The following TNFSF9 variants were observed in gnomAD, a reference collection of about 807,000 sequenced individuals.
TNFSF9 encodes TNF superfamily member 9.
In TNFSF9, 10 loss-of-function variants were observed where a neutral mutation model predicts 10.3. The observed-to-expected ratio is 0.97, with a 90% CI of 0.60 to 1.65. The LOEUF (loss-of-function observed/expected upper bound fraction) is 1.65. TNFSF9 is among the 40% of genes most tolerant of loss of function. The pLI is 0.00. For missense variants in TNFSF9, 361 were observed against 348.9 expected (o/e 1.03, Z -0.28); for synonymous variants, 195 against 176.1 (o/e 1.11, Z -0.85).
At chr19:6,531,719 C>T (rs1915150705) in intron 1 of TNFSF9, among the ~76,000 whole-genome samples, 2 of 151,880 alleles carry the variant, frequency 1.3e-5, no homozygotes, top group South Asian at 2.1e-4. Context: ...GGGAGGGCAC[C>T]CCTTTCATTC....
chr19:6,532,015 T>C (rs531908870), intron 1 of TNFSF9, among the ~76,000 whole-genome samples: 83 of 152,186 alleles, frequency 5.5e-4, no homozygotes, highest in Non-Finnish European at 8.8e-4. Flanking sequence ...CCACAAGCTC[T>C]GCATCTCTGG....
chr19:6,535,003 C>A lies in TNFSF9; in HGVS notation c.702C>A (p.Val234=), dbSNP rs72987335. 10 of 1,603,632 alleles carry A rather than the reference C, an allele frequency of 6.2e-6. No individual in the cohort carries two copies. The highest frequency in any genetic ancestry group is 1.3e-5 in the African/African-American group (1 of 74,784). The part of the protein sequence containing the change: ...HAWQLTQGAT[V]LGLFRVTPEI... ...GGCAGCTTACCCAGGGCGCCACAGT[C>A]TTGGGACTCTTCCGGGTGACCCCCG... is the stretch of plus-strand genomic sequence containing the variant. Residue 234 remains valine, a synonymous_variant, in exon 3 of 3, where the codon GTC becomes GTA. Coordinates refer to ENST00000245817, the MANE Select transcript of TNFSF9 (RefSeq NM_003811.4).
In TNFSF9 at chr19:6,534,683, G is replaced by C; in HGVS notation, c.382G>C (p.Glu128Gln). Residue 128 changes from glutamate (E) to glutamine (Q), a missense_variant, in exon 3 of 3, where the codon GAG becomes CAG. Physicochemically the swap from Glu to Gln is conservative, Grantham distance 29. Transcript: ENST00000245817. ...VSLTGGLSYK[E>Q]DTKELVVAKA... ...CCTGACGGGGGGCCTGAGCTACAAA[G>C]AGGACACGAAGGAGCTGGTGGTGGC... 3 of 1,593,380 alleles carry C rather than the reference G, an allele frequency of 1.9e-6. No individual in the cohort carries two copies. The highest frequency in any genetic ancestry group is 8.5e-7 in the Non-Finnish European group (1 of 1,170,596).
chr19:6,531,227 C>T lies in TNFSF9; in HGVS notation c.191C>T (p.Ser64Phe). The change falls in exon 1 of 3, where the codon TCC becomes TTC. Residue 64 changes from serine to phenylalanine, a missense_variant. Physicochemically the swap from Ser to Phe is radical, Grantham distance 155. Transcript: ENST00000245817. ...TCCGGGGCTCGCGCCTCGCCCGGCTCCGCGGCCAGCCCGAGACTCCGCGAG... is the reference window on the plus strand; with the variant it reads ...TCCGGGGCTCGCGCCTCGCCCGGCTTCGCGGCCAGCCCGAGACTCCGCGAG... ...AVSGARASPG[S>F]AASPRLREGP... 6.5e-7 allele frequency: 1 copy of T among 1,534,078 alleles called. No individual in the cohort carries two copies. The highest frequency in any genetic ancestry group is 2.1e-5 in the Admixed American group (1 of 48,492).
At chr19:6,532,670 C>G in intron 1 of TNFSF9, 116 bp from the exon 2 acceptor site, 1 of 1,393,800 alleles carries the variant, frequency 7.2e-7, no homozygotes, top group Non-Finnish European at 1.0e-6. Flanking sequence ...GGAAGGGAAG[C>G]GTAGGCTTCA....
chr19:6,532,154 C>A (rs903501418), intron 1 of TNFSF9, among the ~76,000 whole-genome samples: 2 of 152,192 alleles, frequency 1.3e-5, no homozygotes, highest in Non-Finnish European at 2.9e-5. Flanking sequence ...TACCCCTCTC[C>A]CTTTCAAGAC....
In TNFSF9 at chr19:6,531,051, T is replaced by A. The variant is rs150427368; in HGVS notation, c.15T>A (p.Ser5=). The A allele has an allele frequency of 1.5e-4, 242 of 1,611,066 alleles. No individual in the cohort carries two copies. Among genetic ancestry groups the A allele is most frequent in the Non-Finnish European group, 2.0e-4 (237 of 1,179,106 alleles). Residue 5 remains serine, a synonymous_variant, in exon 1 of 3, where the codon TCT becomes TCA. Coordinates refer to ENST00000245817, the MANE Select transcript of TNFSF9 (RefSeq NM_003811.4). The part of the protein sequence containing the change: MEYA[S]DASLDPEAPW... ...AGTCTCTCGTCATGGAATACGCCTCTGACGCTTCACTGGACCCCGAAGCCC... is the reference window on the plus strand; with the variant it reads ...AGTCTCTCGTCATGGAATACGCCTCAGACGCTTCACTGGACCCCGAAGCCC...
intron 2 of TNFSF9, 58 bp downstream of exon 2, chr19:6,532,874 C>G: frequency 6.2e-7 from 1 of 1,609,696 alleles, no homozygotes; most frequent in South Asian, 1.1e-5. Flanking sequence ...CCCCGGGATA[C>G]GAAGAAGGGG....
At position 6,531,978 on chromosome 19, in the gene TNFSF9, G is replaced by A. The variant is rs186470493; in HGVS notation, c.267+675G>A. On this transcript the variant is annotated intron_variant, in intron 1 of 2. Coordinates refer to ENST00000245817, the MANE Select transcript of TNFSF9 (RefSeq NM_003811.4). ...TTCTCTATGTAGGACTTAGGACATT[G>A]AGGGCACCTCTTTTTACCCCGCACC... 4.6e-3 allele frequency among the ~76,000 whole-genome samples: 707 copies of A among 152,198 alleles called. 2 individuals are homozygous for A. Among genetic ancestry groups the A allele is most frequent in the Non-Finnish European group, 7.2e-3 (489 of 68,004 alleles).
rs1351582419 is a variant in TNFSF9 at position 6,534,921 on chromosome 19, G to C, written c.620G>C (p.Ser207Thr). 1.9e-6 allele frequency: 3 copies of C among 1,609,706 alleles called. No individual in the cohort carries two copies. The highest frequency in any genetic ancestry group is 1.7e-6 in the Non-Finnish European group (2 of 1,179,500). The change falls in exon 3 of 3, where the codon AGT becomes ACT. Residue 207 changes from serine (S) to threonine (T), a missense_variant. Ser to Thr is a moderately conservative substitution (Grantham distance 58, BLOSUM62 1). Coordinates refer to ENST00000245817, the MANE Select transcript of TNFSF9 (RefSeq NM_003811.4). ...FGFQGRLLHL[S>T]AGQRLGVHLH... Reference sequence around the variant, plus strand: ...TTCCAGGGCCGCTTGCTGCACCTGAGTGCCGGCCAGCGCCTGGGCGTCCAT... The same window carrying C: ...TTCCAGGGCCGCTTGCTGCACCTGACTGCCGGCCAGCGCCTGGGCGTCCAT...
At position 6,531,231 on chromosome 19, in the gene TNFSF9, G is replaced by T. The variant is rs201443100; in HGVS notation, c.195G>T (p.Ala65=). 2.0e-6 allele frequency: 3 copies of T among 1,533,020 alleles called. No homozygotes were observed. 95.0% of individuals were successfully genotyped at this position (1,533,020 alleles called of 1,614,324 possible). A position where few individuals can be genotyped will look rare whatever the true frequency, so the allele number is the denominator to read the frequency against. Residue 65 remains alanine (A), a synonymous_variant, in exon 1 of 3, where the codon GCG becomes GCT. Transcript: ENST00000245817. The part of the protein sequence containing the change: ...VSGARASPGS[A]ASPRLREGPE... ...GGGCTCGCGCCTCGCCCGGCTCCGC[G>T]GCCAGCCCGAGACTCCGCGAGGGTC...
At chr19:6,534,498 GTTCTTT>G in intron 2 of TNFSF9, 96 bp from the exon 3 acceptor site, 1 of 689,674 alleles carries the variant, frequency 1.4e-6, no homozygotes, top group Admixed American at 4.3e-5. Flanking sequence ...CCCCTGACCC[GTTCTTT>G]TCTCCCAGGG....
Position 6,531,125 on chromosome 19 carries a change from C to T in TNFSF9, c.89C>T (p.Ala30Val), listed in dbSNP as rs1467863808. 5 of 1,608,566 alleles carry T rather than the reference C, an allele frequency of 3.1e-6. No individual in the cohort carries two copies. Among genetic ancestry groups the T allele is most frequent in the Non-Finnish European group, 4.2e-6 (5 of 1,178,056 alleles). The change falls in exon 1 of 3, where the codon GCC (alanine) becomes GTC (valine). Residue 30 changes from alanine (A) to valine (V), a missense_variant. By Grantham distance (64) the Ala-to-Val change is moderately conservative (BLOSUM62 0). Coordinates refer to ENST00000245817, the MANE Select transcript of TNFSF9 (RefSeq NM_003811.4). ...CGCGCCTGCCGCGTACTGCCTTGGG[C>T]CCTGGTCGCGGGGCTGCTGCTGCTG... is the stretch of plus-strand genomic sequence containing the variant. ...RARACRVLPWALVAGLLLLLL... is the reference protein window; with the variant it reads ...RARACRVLPWVLVAGLLLLLL...
intron 2 of TNFSF9, among the ~76,000 whole-genome samples, chr19:6,533,094 C>A (rs1360813858): frequency 6.6e-6 from 1 of 151,942 alleles, no homozygotes; most frequent in African/African-American, 2.4e-5. Flanking sequence ...CACCCCCAAC[C>A]CCCAGCCTGG....
Position 6,531,104 on chromosome 19 carries a change from C to T in TNFSF9, c.68C>T (p.Ala23Val), listed in dbSNP as rs762538008. The part of the protein sequence containing the change: ...APWPPAPRAR[A>V]CRVLPWALVA... Reference sequence around the variant, plus strand: ...TGGCCTCCCGCGCCCCGCGCTCGCGCCTGCCGCGTACTGCCTTGGGCCCTG... The same window carrying T: ...TGGCCTCCCGCGCCCCGCGCTCGCGTCTGCCGCGTACTGCCTTGGGCCCTG... Residue 23 changes from alanine to valine, a missense_variant, in exon 1 of 3, where the codon GCC becomes GTC. Physicochemically the swap from Ala to Val is moderately conservative, Grantham distance 64. Transcript: ENST00000245817. The T allele has an allele frequency of 1.9e-6, 3 of 1,610,782 alleles. No homozygotes were observed. The highest frequency in any genetic ancestry group is 2.7e-5 in the African/African-American group (2 of 74,824).
At chr19:6,533,400 C>T (rs889809032) in intron 2 of TNFSF9, among the ~76,000 whole-genome samples, 29 of 131,852 alleles carry the variant, frequency 2.2e-4, no homozygotes, top group Middle Eastern at 3.8e-3. Flanking sequence ...CTTCCCCGCT[C>T]GAGACCTCTT....
intron 1 of TNFSF9, 140 bp downstream of exon 1, chr19:6,531,443 C>CA (rs1915144834): frequency 1.6e-6 from 2 of 1,222,380 alleles, no homozygotes; most frequent in Non-Finnish European, 2.1e-6. Flanking sequence ...CCGGGGCTCC[C>CA]ATTCTCCATC....
At chr19:6,533,027 A>G (rs1486208095) in intron 2 of TNFSF9, among the ~76,000 whole-genome samples, 3 of 151,768 alleles carry the variant, frequency 2.0e-5, no homozygotes, top group Non-Finnish European at 4.4e-5. Flanking sequence ...TGGCCTCCCC[A>G]TCAGACCCCC....
In TNFSF9 at chr19:6,532,775, A is replaced by G; in HGVS notation, c.268-11A>G. ...ACCCCCATCCACTTTCCTCCTTTCT[A>G]CTTTTAACAGGGCATGTTTGCGCAG... On this transcript the variant is annotated splice_polypyrimidine_tract_variant and intron_variant, in intron 1 of 2. Coordinates refer to ENST00000245817, the MANE Select transcript of TNFSF9 (RefSeq NM_003811.4). The G allele has an allele frequency of 6.2e-7, 1 of 1,613,624 alleles. No homozygotes were observed. The highest frequency in any genetic ancestry group is 8.5e-7 in the Non-Finnish European group (1 of 1,179,742).
Sources: gnomAD v4.1 joint callset for allele counts (sites outside exome capture counted in the v4.1 genomes callset) on GRCh38, gnomAD v4.1.1 for gene constraint, MANE v1.5 for transcripts, NCBI Gene and HGNC (gene_info 2026-07-23, HGNC 2026-07-21) for gene names.